Variants in CDH12 observed in about 807,000 individuals in gnomAD.
The protein encoded by CDH12 is cadherin-12.
A neutral mutation model predicts 74.1 loss-of-function variants in CDH12; 41 were observed. The observed-to-expected ratio is 0.55, with a 90% CI of 0.43 to 0.72. The LOEUF (loss-of-function observed/expected upper bound fraction) is 0.72. CDH12 is among the 30% of genes least tolerant of loss of function. The pLI, the probability that CDH12 is intolerant of heterozygous loss-of-function variation, is 0.00. For synonymous variants in CDH12, 399 were observed against 355.0 expected, an observed-to-expected ratio of 1.12 and a Z score of -1.39; for missense variants, 945 against 977.2, an observed-to-expected ratio of 0.97 and a Z score of 0.44.
At chr5:22,728,748 A>G (rs1744286361) in intron 1 of CDH12, among the ~76,000 whole-genome samples, 3 of 151,806 alleles carry the variant, frequency 2.0e-5, no homozygotes, top group Non-Finnish European at 4.4e-5. Context: ...CTGTGTTCTC[A>G]CGTGGCGGAG....
intron 6 of CDH12, among the ~76,000 whole-genome samples, chr5:21,866,552 T>G (rs995904246): frequency 2.6e-5 from 4 of 152,116 alleles, no homozygotes; most frequent in Non-Finnish European, 5.9e-5. Flanking sequence ...TTGTGGAGCT[T>G]GAACTTGAGA....
At chr5:22,346,185 T>C (rs1740106201) in intron 3 of CDH12, among the ~76,000 whole-genome samples, 1 of 151,950 alleles carries the variant, frequency 6.6e-6, no homozygotes, top group South Asian at 2.1e-4. Flanking sequence ...TCAGTGGTTA[T>C]TGCATCGTAT....
intron 6 of CDH12, among the ~76,000 whole-genome samples, chr5:21,925,609 T>C (rs1358321003): frequency 2.0e-5 from 3 of 152,212 alleles, no homozygotes; most frequent in Non-Finnish European, 4.4e-5. Flanking sequence ...TTTTCACTTA[T>C]TTATTCATTG....
At chr5:21,875,991 G>A (rs753100245) in intron 6 of CDH12, among the ~76,000 whole-genome samples, 3 of 151,032 alleles carry the variant, frequency 2.0e-5, no homozygotes, top group Non-Finnish European at 4.4e-5. Context: ...TGCCTCCCGG[G>A]TTCAAGTGAT....
At chr5:21,791,342 G>A (rs1484699221) in intron 10 of CDH12, among the ~76,000 whole-genome samples, 2 of 152,018 alleles carry the variant, frequency 1.3e-5, no homozygotes, top group African/African-American at 4.8e-5. Flanking sequence ...TTTTGGAAAA[G>A]ATATGGCCCA....
At chr5:21,883,060 A>G in intron 6 of CDH12, 1 of 1,610,820 alleles carries the variant, frequency 6.2e-7, no homozygotes, top group Non-Finnish European at 8.5e-7. Context: ...GAACTTAAAA[A>G]GCAGTCTAAA....
chr5:21,752,110 T>C lies in CDH12; in HGVS notation c.2012A>G (p.Gln671Arg). Residue 671 changes from glutamine to arginine, a missense_variant, in exon 15 of 15, where the codon CAG (glutamine) becomes CGG (arginine). Gln to Arg is a conservative substitution (Grantham distance 43, BLOSUM62 1). Coordinates refer to ENST00000382254, the MANE Select transcript of CDH12 (RefSeq NM_004061.5). ...DDEGGGEEDT[Q>R]AFDIGALRNP... ...TCTCAGAGCCCCGATGTCGAAAGCC[T>C]GGGTATCTTCCTCCCCACCTCCTTC... 6.2e-7 allele frequency: 1 copy of C among 1,614,158 alleles called. No homozygotes were observed. Among genetic ancestry groups the C allele is most frequent in the Non-Finnish European group, 8.5e-7 (1 of 1,180,028 alleles).
chr5:21,895,568 C>T (rs1174891682), intron 6 of CDH12, among the ~76,000 whole-genome samples: 1 of 152,180 alleles, frequency 6.6e-6, no homozygotes, highest in African/African-American at 2.4e-5. Flanking sequence ...ATTTGGGAAA[C>T]TGCATCACCT....
At chr5:21,882,537 C>A (rs975773538) in intron 6 of CDH12, 1 of 1,047,072 alleles carries the variant, frequency 9.6e-7, no homozygotes, top group South Asian at 1.3e-5. Context: ...CCTCACTCGC[C>A]GCCGACAACC....
intron 1 of CDH12, among the ~76,000 whole-genome samples, chr5:22,763,153 T>C (rs1050257248): frequency 3.3e-5 from 5 of 151,952 alleles, no homozygotes; most frequent in African/African-American, 1.2e-4. Context: ...TAACGGAACA[T>C]CATGGTAATT....
chr5:22,796,155 A>G (rs1748196341), intron 1 of CDH12, among the ~76,000 whole-genome samples: 1 of 152,168 alleles, frequency 6.6e-6, no homozygotes, highest in Admixed American at 6.5e-5. Context: ...AATAATATAC[A>G]AGTGCTGATA....
Position 22,160,711 on chromosome 5 carries a change from T to C in CDH12, c.-187+51787A>G, listed in dbSNP as rs1172985356. ...TAGGTCACACCTTTTGGCTGTGTCC[T>C]GTGTTCTCACATGGTGAAAGGGACC... On this transcript the variant is annotated intron_variant, in intron 4 of 14. Coordinates refer to ENST00000382254, the MANE Select transcript of CDH12 (RefSeq NM_004061.5). Among the ~76,000 whole-genome samples, 31 of 152,278 alleles carry C rather than the reference T, an allele frequency of 2.0e-4. No individual in the cohort carries two copies. The East Asian group carries it at 2.5e-3, about 12-fold the overall frequency.
intron 4 of CDH12, among the ~76,000 whole-genome samples, chr5:22,179,505 ATTATT>A (rs1167529563): frequency 6.6e-6 from 1 of 152,210 alleles, no homozygotes; most frequent in Non-Finnish European, 1.5e-5. Context: ...TCAGAAGTTA[ATTATT>A]TTAATACAAA....
At chr5:22,117,903 A>G (rs537398147) in intron 4 of CDH12, among the ~76,000 whole-genome samples, 1 of 152,172 alleles carries the variant, frequency 6.6e-6, no homozygotes, top group African/African-American at 2.4e-5. Flanking sequence ...ATTTAATTTT[A>G]CAATAATTCA....
intron 4 of CDH12, among the ~76,000 whole-genome samples, chr5:22,096,132 A>G (rs1743767729): frequency 6.6e-6 from 1 of 151,894 alleles, no homozygotes; most frequent in Admixed American, 6.6e-5. Flanking sequence ...CTGTGCTCTC[A>G]AGAACTTAAA....
At chr5:22,309,633 T>C (rs1738291369) in intron 3 of CDH12, among the ~76,000 whole-genome samples, 1 of 152,114 alleles carries the variant, frequency 6.6e-6, no homozygotes, top group African/African-American at 2.4e-5. Flanking sequence ...TCTTAGCTAA[T>C]TTCCATTACA....
intron 4 of CDH12, among the ~76,000 whole-genome samples, chr5:22,162,451 C>T (rs1748409481): frequency 1.3e-5 from 2 of 152,096 alleles, no homozygotes; most frequent in African/African-American, 4.8e-5. Context: ...TTTGCACTTT[C>T]CATCTGAAGA....
intron 4 of CDH12, among the ~76,000 whole-genome samples, chr5:22,117,001 G>A (rs547807230): frequency 6.7e-6 from 1 of 148,164 alleles, no homozygotes; most frequent in Non-Finnish European, 1.5e-5. Flanking sequence ...GTCAAGAAAT[G>A]AATGAACAGA....
chr5:22,674,813 C>T (rs1249299728), intron 1 of CDH12, among the ~76,000 whole-genome samples: 1 of 152,110 alleles, frequency 6.6e-6, no homozygotes, highest in Non-Finnish European at 1.5e-5. Flanking sequence ...CATTTTGCCC[C>T]TGCCCTAGAG....
Sources: allele counts gnomAD v4.1 joint callset (sites outside exome capture counted in the v4.1 genomes callset), GRCh38; gene constraint gnomAD v4.1.1; transcripts MANE v1.5; gene names NCBI Gene and HGNC (gene_info 2026-07-23, HGNC 2026-07-21).